Variants in CACNA1D observed in about 807,000 individuals in gnomAD.
CACNA1D encodes calcium voltage-gated channel subunit alpha1 D, also known as voltage-dependent L-type calcium channel subunit alpha-1D.
Under a neutral mutation model 257.1 loss-of-function variants are expected in CACNA1D, and 55 were observed. That is an observed-to-expected ratio of 0.21 (90% CI 0.17 to 0.27). The LOEUF (loss-of-function observed/expected upper bound fraction) is 0.27. CACNA1D is among the 10% of genes least tolerant of loss of function. CACNA1D has a pLI of 1.00. For synonymous variants in CACNA1D, 980 were observed against 1,014.9 expected (o/e 0.97, Z 0.65); for missense variants, 1,876 against 2,784.0 (o/e 0.67, Z 7.34).
chr3:53,530,838 G>A (rs1263653091), intron 3 of CACNA1D, among the ~76,000 whole-genome samples: 1 of 151,818 alleles, frequency 6.6e-6, no homozygotes, highest in African/African-American at 2.4e-5. Flanking sequence ...CTGCACCCGT[G>A]CACATCCTCC....
intron 39 of CACNA1D, among the ~76,000 whole-genome samples, chr3:53,783,768 TA>T (rs770832083): frequency 7.2e-5 from 11 of 152,254 alleles, no homozygotes; most frequent in Non-Finnish European, 1.6e-4. Context: ...TATCCTTCAG[TA>T]GGCCCATGTC....
At chr3:53,759,629 T>C (rs899504046) in intron 29 of CACNA1D, among the ~76,000 whole-genome samples, 3 of 152,246 alleles carry the variant, frequency 2.0e-5, no homozygotes, top group African/African-American at 7.2e-5. Context: ...TCTTTAGCTT[T>C]TGAGTTACTC....
intron 26 of CACNA1D, among the ~76,000 whole-genome samples, chr3:53,747,945 G>T (rs1038975023): frequency 1.3e-5 from 2 of 152,196 alleles, no homozygotes; most frequent in African/African-American, 2.4e-5. Context: ...GTCTAACTGG[G>T]CTCTGGCTGA....
chr3:53,630,071 G>A (rs986904043), intron 3 of CACNA1D, among the ~76,000 whole-genome samples: 8 of 152,146 alleles, frequency 5.3e-5, no homozygotes, highest in Admixed American at 1.3e-4. Flanking sequence ...AGCCAGTTAC[G>A]GGGAGGCTCA....
intron 40 of CACNA1D, among the ~76,000 whole-genome samples, chr3:53,797,471 G>A (rs1244343332): frequency 6.6e-6 from 1 of 152,218 alleles, no homozygotes; most frequent in Non-Finnish European, 1.5e-5. Context: ...TCTGGGAAGA[G>A]CGATTCTTCT....
In CACNA1D at chr3:53,614,349, C is replaced by T. The variant is rs140914299; in HGVS notation, c.484-36430C>T. On this transcript the variant is annotated intron_variant, in intron 3 of 47. Coordinates refer to ENST00000350061, the MANE Select transcript of CACNA1D (RefSeq NM_001128840.3). ...CTGGAAACCTATCCTCTGGAATTTG[C>T]CAGAAATCCGCCCTCTAGGGTGCCA... 1.1e-4 allele frequency among the ~76,000 whole-genome samples: 17 copies of T among 152,208 alleles called. No homozygotes were observed. The East Asian group carries it at 3.3e-3, about 29-fold the overall frequency.
intron 29 of CACNA1D, among the ~76,000 whole-genome samples, chr3:53,755,184 G>A (rs976271747): frequency 6.6e-6 from 1 of 152,206 alleles, no homozygotes; most frequent in Admixed American, 6.5e-5. Context: ...AGGTACTTGA[G>A]AAATGCAACA....
intron 37 of CACNA1D, among the ~76,000 whole-genome samples, chr3:53,779,355 T>A (rs560394971): frequency 1.1e-3 from 175 of 152,236 alleles, no homozygotes; most frequent in Admixed American, 3.1e-3. Context: ...TTAATCAGGG[T>A]TCTCCAGAGA....
chr3:53,646,221 G>A (rs2094018831), intron 3 of CACNA1D, among the ~76,000 whole-genome samples: 1 of 152,206 alleles, frequency 6.6e-6, no homozygotes, highest in Admixed American at 6.5e-5. Context: ...TCTAGGCAAG[G>A]ATGAAAGGAT....
At chr3:53,643,862 G>C (rs1403364256) in intron 3 of CACNA1D, among the ~76,000 whole-genome samples, 1 of 152,158 alleles carries the variant, frequency 6.6e-6, no homozygotes, top group Non-Finnish European at 1.5e-5. Context: ...CTCCTCTTCT[G>C]GATGGAACAC....
At chr3:53,784,303 G>A (rs1406590023) in intron 39 of CACNA1D, among the ~76,000 whole-genome samples, 1 of 152,114 alleles carries the variant, frequency 6.6e-6, no homozygotes, top group Non-Finnish European at 1.5e-5. Flanking sequence ...TCCATGACCT[G>A]GATCCTTTGC....
At position 53,800,919 on chromosome 3, in the gene CACNA1D, G is replaced by A; in HGVS notation, c.5041-139G>A. On this transcript the variant is annotated intron_variant, in intron 41 of 47. Transcript: ENST00000350061. The surrounding 1 kb of genome is among the most constrained non-coding windows in gnomAD (Gnocchi z 4.3). ...CACAGTCACATTCACCCTGATCATT[G>A]AGACACTCAGATTGTTTTACAGGGA... 3 of 815,958 alleles carry A rather than the reference G, an allele frequency of 3.7e-6. No homozygotes were observed. Among genetic ancestry groups the A allele is most frequent in the East Asian group, 2.4e-5 (1 of 40,834 alleles). The allele number at this position is 815,958 out of a possible 1,614,324, so 50.5% of individuals were successfully genotyped here. A position where few individuals can be genotyped will look rare whatever the true frequency, so the allele number is the denominator to read the frequency against.
rs539386651 is a variant in CACNA1D at position 53,737,800 on chromosome 3, G to A, written c.2751+2297G>A. Among the ~76,000 whole-genome samples, 23 of 152,354 alleles carry A rather than the reference G, an allele frequency of 1.5e-4. No homozygotes were observed. In the South Asian group the frequency reaches 3.1e-3, roughly 21 times the overall value. ...ATCATGCCATTGCATTCCAGCCTCT[G>A]CGACAAGAGCAAAACTCTGTCTCAA... On this transcript the variant is annotated intron_variant, in intron 20 of 47. Transcript: ENST00000350061.
chr3:53,621,335 G>C (rs938167250), intron 3 of CACNA1D, among the ~76,000 whole-genome samples: 1 of 152,002 alleles, frequency 6.6e-6, no homozygotes, highest in Non-Finnish European at 1.5e-5. Context: ...TGCTAAGCCT[G>C]GGCGAGCTCC....
chr3:53,682,386 A>AAAC (rs1553634125), intron 8 of CACNA1D, among the ~76,000 whole-genome samples: 2 of 147,334 alleles, frequency 1.4e-5, no homozygotes, highest in Non-Finnish European at 3.0e-5. Flanking sequence ...AAAAAAAAAA[A>AAAC]AAAAAAAAAA....
chr3:53,718,336 A>T lies in CACNA1D; in HGVS notation c.1426A>T (p.Thr476Ser). 1 of 1,614,168 alleles carries T rather than the reference A, an allele frequency of 6.2e-7. No homozygotes were observed. Among genetic ancestry groups the T allele is most frequent in the Non-Finnish European group, 8.5e-7 (1 of 1,180,016 alleles). ...CACCAGCGAGACTGAGTCTGTGAACACAGAGAACGTCAGCGGTGAAGGCGA... is the reference window on the plus strand; with the variant it reads ...CACCAGCGAGACTGAGTCTGTGAACTCAGAGAACGTCAGCGGTGAAGGCGA... ...MPTSETESVN[T>S]ENVSGEGENR... Residue 476 changes from threonine (T) to serine (S), a missense_variant, in exon 10 of 48, where the codon ACA becomes TCA. Transcript: ENST00000350061.
At chr3:53,782,793 A>G (rs969175179) in intron 39 of CACNA1D, 46 of 152,350 alleles carry the variant, frequency 3.0e-4, no homozygotes, top group Admixed American at 2.4e-3. Context: ...AAACAAAACA[A>G]AAGTCCTCCC....
chr3:53,692,425 C>T (rs2094536979), intron 8 of CACNA1D, among the ~76,000 whole-genome samples: 1 of 152,042 alleles, frequency 6.6e-6, no homozygotes, highest in Non-Finnish European at 1.5e-5. Context: ...GAGCTCCATG[C>T]CTTGGAGGAA....
At chr3:53,500,391 C>T (rs1406229694) in intron 2 of CACNA1D, among the ~76,000 whole-genome samples, 2 of 147,146 alleles carry the variant, frequency 1.4e-5, no homozygotes, top group African/African-American at 2.5e-5. Flanking sequence ...GTTGAGATTG[C>T]GCCAGTGCAC....
Sources: gnomAD v4.1 joint callset for allele counts (sites outside exome capture counted in the v4.1 genomes callset) on GRCh38, gnomAD v4.1.1 for gene constraint, Gnocchi (gnomAD v3.1) non-coding constraint, MANE v1.5 for transcripts, NCBI Gene and HGNC (gene_info 2026-07-23, HGNC 2026-07-21) for gene names.